NEDD4L: variants seen among roughly 807,000 people sequenced by gnomAD.
The protein encoded by NEDD4L is NEDD4 like E3 ubiquitin protein ligase.
A neutral mutation model predicts 148.9 loss-of-function variants in NEDD4L; 54 were observed. The ratio of observed to expected loss-of-function variants is 0.36; its 90% CI spans 0.29 to 0.45. NEDD4L has a LOEUF of 0.45. NEDD4L is among the 20% of genes least tolerant of loss of function. The probability of loss-of-function intolerance (pLI) is 1.00; values close to 1 mark genes in which losing one functional copy is unlikely to be tolerated. For missense variants in NEDD4L, 856 were observed against 1,233.8 expected (o/e 0.69, Z 4.59); for synonymous variants, 433 against 440.7 (o/e 0.98, Z 0.22).
chr18:58,056,747 A>C (rs1471104476), intron 1 of NEDD4L, among the ~76,000 whole-genome samples: 1 of 151,770 alleles, frequency 6.6e-6, no homozygotes, highest in African/African-American at 2.4e-5. Context: ...CACCCAGCTA[A>C]TTTTTGTATT....
At chr18:58,211,235 T>C (rs2042574932) in intron 2 of NEDD4L, among the ~76,000 whole-genome samples, 1 of 152,194 alleles carries the variant, frequency 6.6e-6, no homozygotes, top group African/African-American at 2.4e-5. Context: ...TTTAATATTA[T>C]CTTAGAGGTT....
intron 1 of NEDD4L, among the ~76,000 whole-genome samples, chr18:58,071,847 A>G (rs540951657): frequency 2.5e-4 from 38 of 152,306 alleles, no homozygotes; most frequent in Non-Finnish European, 4.4e-4. Context: ...TTATAAAACC[A>G]TCAGATCTCA....
At chr18:58,099,910 T>G (rs2084649953) in intron 1 of NEDD4L, among the ~76,000 whole-genome samples, 1 of 152,218 alleles carries the variant, frequency 6.6e-6, no homozygotes, top group African/African-American at 2.4e-5. Context: ...CTTCTCTTGC[T>G]TTATATTCTG....
At chr18:58,214,838 G>A (rs2043001701) in intron 2 of NEDD4L, among the ~76,000 whole-genome samples, 1 of 135,482 alleles carries the variant, frequency 7.4e-6, no homozygotes, top group African/African-American at 2.7e-5. Flanking sequence ...TTGAGACAGA[G>A]TCTCACTGTG....
intron 1 of NEDD4L, among the ~76,000 whole-genome samples, chr18:58,082,969 C>T (rs937541495): frequency 5.3e-5 from 8 of 152,004 alleles, no homozygotes; most frequent in African/African-American, 1.9e-4. Flanking sequence ...TTTTAAATGT[C>T]CCTTCCTATC....
At chr18:58,293,969 CACCT>C (rs769731982) in intron 5 of NEDD4L, among the ~76,000 whole-genome samples, 1 of 152,210 alleles carries the variant, frequency 6.6e-6, no homozygotes, top group Non-Finnish European at 1.5e-5. Flanking sequence ...GTGATCCTTC[CACCT>C]TGGCTTCCCA....
intron 19 of NEDD4L, among the ~76,000 whole-genome samples, chr18:58,362,736 A>G (rs1038176870): frequency 6.6e-6 from 1 of 152,250 alleles, no homozygotes; most frequent in Non-Finnish European, 1.5e-5. Flanking sequence ...CTCAAGAAGT[A>G]TCGGTTGAAT....
At chr18:58,342,280 T>C (rs2042532898) in intron 15 of NEDD4L, among the ~76,000 whole-genome samples, 1 of 152,194 alleles carries the variant, frequency 6.6e-6, no homozygotes, top group African/African-American at 2.4e-5. Context: ...GGCATCTGCT[T>C]GTGCTCTCTG....
chr18:58,092,866 G>GT (rs35422628), intron 1 of NEDD4L, among the ~76,000 whole-genome samples: 17,617 of 123,320 alleles, frequency 0.14, 1,717 homozygotes, highest in African/African-American at 0.28. Flanking sequence ...TTTTTTTTTT[G>GT]TTTTTTTTTT....
At chr18:58,045,527 C>T (rs1460301563) in intron 1 of NEDD4L, 2 of 162,376 alleles carry the variant, frequency 1.2e-5, no homozygotes, top group Non-Finnish European at 2.7e-5. Flanking sequence ...TTCATTCTCT[C>T]TTCCGTGTCT....
chr18:58,394,222 A>T (rs2050190454), intron 30 of NEDD4L, among the ~76,000 whole-genome samples: 1 of 152,226 alleles, frequency 6.6e-6, no homozygotes, highest in African/African-American at 2.4e-5. Context: ...CGATTGACTC[A>T]TACCATCATC....
chr18:58,267,740 TTTTTGCAC>T (rs1316555003), intron 5 of NEDD4L, among the ~76,000 whole-genome samples: 1 of 152,084 alleles, frequency 6.6e-6, no homozygotes, highest in Non-Finnish European at 1.5e-5. Flanking sequence ...GGTGGATATA[TTTTTGCAC>T]TTTTGCACCA....
intron 5 of NEDD4L, among the ~76,000 whole-genome samples, chr18:58,293,789 C>T (rs376273669): frequency 1.3e-5 from 2 of 152,184 alleles, no homozygotes; most frequent in African/African-American, 4.8e-5. Flanking sequence ...GTGGTGCAGT[C>T]TCAACTCACT....
At chr18:58,212,405 C>T in intron 2 of NEDD4L, among the ~76,000 whole-genome samples, 1 of 152,160 alleles carries the variant, frequency 6.6e-6, no homozygotes, top group East Asian at 1.9e-4. Flanking sequence ...GAATGAGGAG[C>T]AAAGTCCCAT....
chr18:58,092,416 G>T (rs1357294881), intron 1 of NEDD4L, among the ~76,000 whole-genome samples: 1 of 152,150 alleles, frequency 6.6e-6, no homozygotes, highest in East Asian at 1.9e-4. Flanking sequence ...GGTGGAAGCG[G>T]TTCTCGGGCA....
chr18:58,314,051 T>C (rs76069700), intron 5 of NEDD4L, among the ~76,000 whole-genome samples: 7,750 of 152,242 alleles, frequency 0.051, 612 homozygotes, highest in African/African-American at 0.17. Flanking sequence ...AGCAGACAAT[T>C]TATGGTCAAT....
chr18:58,269,190 G>A (rs891510978), intron 5 of NEDD4L, among the ~76,000 whole-genome samples: 1 of 152,064 alleles, frequency 6.6e-6, no homozygotes, highest in Admixed American at 6.6e-5. Flanking sequence ...GGGAGGAAAG[G>A]GAGGAAAAGT....
At chr18:58,177,527 T>G (rs560894) in intron 2 of NEDD4L, among the ~76,000 whole-genome samples, 114,975 of 152,080 alleles carry the variant, frequency 0.76, 43,867 homozygotes, top group African/African-American at 0.85. Context: ...TCTGAACCTT[T>G]TTAATGGTTC....
chr18:58,316,830 A>G (rs754556026), intron 6 of NEDD4L, among the ~76,000 whole-genome samples: 1 of 152,230 alleles, frequency 6.6e-6, no homozygotes, highest in Non-Finnish European at 1.5e-5. Context: ...CAACGACGTG[A>G]TAGAAGTAGC....
Sources: allele counts gnomAD v4.1 joint callset (sites outside exome capture counted in the v4.1 genomes callset), GRCh38; gene constraint gnomAD v4.1.1; transcripts MANE v1.5; gene names NCBI Gene and HGNC (gene_info 2026-07-23, HGNC 2026-07-21).